Variants in SAMD4B observed in about 807,000 individuals in gnomAD.
The protein encoded by SAMD4B is protein Smaug homolog 2.
In SAMD4B, 5 loss-of-function variants were observed where a neutral mutation model predicts 74.5. The observed-to-expected ratio is 0.07, with a 90% confidence interval of 0.04 to 0.14. The LOEUF (loss-of-function observed/expected upper bound fraction) is 0.14. SAMD4B is among the 10% of genes least tolerant of loss of function. The pLI, the probability that SAMD4B is intolerant of heterozygous loss-of-function variation, is 1.00. For synonymous variants in SAMD4B, 373 were observed against 374.9 expected (o/e 1.00, Z 0.06); for missense variants, 608 against 921.8 (o/e 0.66, Z 4.41).
At chr19:39,386,542 C>T (rs767095758), downstream of SAMD4B, 1 of 1,614,130 alleles carries the variant, frequency 6.2e-7, no homozygotes, top group Non-Finnish European at 8.5e-7. This position sits in a 1 kb window ranked among gnomAD's most constrained non-coding sequence, Gnocchi z 6.1. Flanking sequence ...TCCTCCGGTT[C>T]GTGGTTTTCT....
intron 3 of SAMD4B, among the ~76,000 whole-genome samples, chr19:39,365,830 G>A (rs913916318): frequency 6.6e-6 from 1 of 152,218 alleles, no homozygotes; most frequent in African/African-American, 2.4e-5. Flanking sequence ...AGCAATAGTG[G>A]TATTGGTTCT....
chr19:39,352,228 T>C (rs1485183337), intron 1 of SAMD4B: 1 of 152,134 alleles, frequency 6.6e-6, no homozygotes, highest in Non-Finnish European at 1.5e-5. Flanking sequence ...GTCAGAATCA[T>C]CCTCCATCAC....
At chr19:39,372,758 T>C (rs1401270052) in intron 4 of SAMD4B, among the ~76,000 whole-genome samples, 1 of 152,074 alleles carries the variant, frequency 6.6e-6, no homozygotes, top group African/African-American at 2.4e-5. Flanking sequence ...GCCTACTTCT[T>C]GGCTGAGAAG....
chr19:39,375,615 G>T lies in SAMD4B; in HGVS notation c.668-35G>T. 1 of 1,587,696 alleles carries T rather than the reference G, an allele frequency of 6.3e-7. No homozygotes were observed. Among genetic ancestry groups the T allele is most frequent in the Non-Finnish European group, 8.6e-7 (1 of 1,159,544 alleles). On this transcript the variant is annotated intron_variant, in intron 4 of 13. Transcript: ENST00000610417. The surrounding 1 kb of genome is among the most constrained non-coding windows in gnomAD (Gnocchi z 4.1). ...ATGGTCTCCTGTGGTTGGGTCCCCA[G>T]GTCTAATATTTTGCTTTTCTCCCAC...
Position 39,376,345 on chromosome 19 carries a change from A to T in SAMD4B, c.908-92A>T. ...CCCTCCCAATTTTTTGCATCTTTTG[A>T]GGCTTCCTGTGGGTTTATCCCCACA... On this transcript the variant is annotated intron_variant, in intron 5 of 13. Coordinates refer to ENST00000610417, the MANE Select transcript of SAMD4B (RefSeq NM_001384574.2). 3 of 1,037,460 alleles carry T rather than the reference A, an allele frequency of 2.9e-6. No homozygotes were observed. In the Admixed American group the frequency reaches 6.6e-5, roughly 23 times the overall value. The allele number at this position is 1,037,460 out of a possible 1,614,324, so 64.3% of individuals were successfully genotyped here.
At position 39,369,746 on chromosome 19, in the gene SAMD4B, G is replaced by A. The variant is rs769229789; in HGVS notation, c.288G>A (p.Glu96=). 5 of 1,614,206 alleles carry A rather than the reference G, an allele frequency of 3.1e-6. No homozygotes were observed. In the South Asian group the frequency reaches 4.4e-5, roughly 14 times the overall value. ...HLPLLQPGNT[E]AKSEYMRLLQ... ...CCCTGCTTCAGCCAGGCAACACAGA[G>A]GCCAAGTCGGAGTACATGAGGCTAC... Residue 96 remains glutamate (E), a synonymous_variant, in exon 4 of 14, where the codon GAG becomes GAA. Transcript: ENST00000610417.
Position 39,356,795 on chromosome 19 carries a change from C to A in SAMD4B, c.-99C>A. On this transcript the variant is annotated 5_prime_UTR_variant, in exon 3 of 14. Transcript: ENST00000610417. ...GCCCAGAAACGTCCTTAAGCCCTGG[C>A]CCTCAGGGGAAAGGTAACAGGAGGC... is the stretch of plus-strand genomic sequence containing the variant. 2.0e-6 allele frequency: 2 copies of A among 1,023,464 alleles called. No homozygotes were observed. The highest frequency in any genetic ancestry group is 2.8e-6 in the Non-Finnish European group (2 of 713,376). 63.4% of individuals were successfully genotyped at this position (1,023,464 alleles called of 1,614,324 possible).
chr19:39,344,353 C>G (rs1384641327), intron 1 of SAMD4B, among the ~76,000 whole-genome samples: 1 of 152,164 alleles, frequency 6.6e-6, no homozygotes, highest in African/African-American at 2.4e-5. Flanking sequence ...GCTTTCTCCT[C>G]AACTGAGATC....
downstream of SAMD4B, chr19:39,387,021 C>CTG (rs896397972): frequency 1.4e-4 from 84 of 601,908 alleles, no homozygotes; most frequent in South Asian, 9.8e-4. Context: ...TTGCCCTACA[C>CTG]TGTGTGTGTG....
chr19:39,354,403 C>G (rs1381897243), intron 2 of SAMD4B, among the ~76,000 whole-genome samples: 1 of 152,158 alleles, frequency 6.6e-6, no homozygotes, highest in East Asian at 1.9e-4. Context: ...ACAAGGTTTT[C>G]AAATCCCTTT....
downstream of SAMD4B, chr19:39,387,134 G>A (rs750819913): frequency 7.3e-5 from 32 of 437,762 alleles, no homozygotes; most frequent in Admixed American, 5.5e-4. Context: ...TTACACAAAC[G>A]TACATAGTAT....
chr19:39,364,404 A>G (rs780672695), intron 3 of SAMD4B, among the ~76,000 whole-genome samples: 27 of 152,300 alleles, frequency 1.8e-4, no homozygotes, highest in Non-Finnish European at 2.6e-4. Flanking sequence ...CACAGACTGA[A>G]TGTTTACTAT....
Position 39,385,684 on chromosome 19 carries a change from C to CA in SAMD4B, c.*2160dup. 2.0e-5 allele frequency: 10 copies of CA among 512,144 alleles called. No homozygotes were observed. The East Asian group carries it at 3.1e-4, about 16-fold the overall frequency. 31.7% of individuals were successfully genotyped at this position (512,144 alleles called of 1,614,324 possible). A position where few individuals can be genotyped will look rare whatever the true frequency, so the allele number is the denominator to read the frequency against. On this transcript the variant is annotated 3_prime_UTR_variant, in exon 14 of 14. Coordinates refer to ENST00000610417, the MANE Select transcript of SAMD4B (RefSeq NM_001384574.2). ...GGGCTTATTTTGGAAAAAAAAAAAACAAACAAAAAAAACGAATTCTGACCT... is the reference window on the plus strand; with the variant it reads ...GGGCTTATTTTGGAAAAAAAAAAAACAAAACAAAAAAAACGAATTCTGACCT...
At chr19:39,389,019 G>C (rs1167723896), downstream of SAMD4B, 1 of 1,613,964 alleles carries the variant, frequency 6.2e-7, no homozygotes, top group African/African-American at 1.3e-5. This position sits in a 1 kb window ranked among gnomAD's most constrained non-coding sequence, Gnocchi z 5.3. Flanking sequence ...GTGAGATCTG[G>C]TGGAACAAAA....
chr19:39,358,401 G>A (rs988451434), intron 3 of SAMD4B, among the ~76,000 whole-genome samples: 13 of 152,042 alleles, frequency 8.6e-5, no homozygotes, highest in Non-Finnish European at 1.2e-4. Context: ...TTTCCTGCGC[G>A]CCACCACGCC....
At chr19:39,387,813 C>G (rs1420004627), downstream of SAMD4B, among the ~76,000 whole-genome samples, 1 of 152,184 alleles carries the variant, frequency 6.6e-6, no homozygotes, top group African/African-American at 2.4e-5. Context: ...TGGCCCTCTG[C>G]CTTGCGCAAA....
chr19:39,345,050 A>G (rs149785845), intron 1 of SAMD4B, among the ~76,000 whole-genome samples: 156 of 152,210 alleles, frequency 1.0e-3, no homozygotes, highest in African/African-American at 3.7e-3. Flanking sequence ...CTTGAATCCC[A>G]CTCAGATCTA....
At chr19:39,342,691 G>GGGCGGC (rs1405342298) in intron 1 of SAMD4B, 115 bp downstream of exon 1, 1 of 149,660 alleles carries the variant, frequency 6.7e-6, no homozygotes, top group Non-Finnish European at 1.5e-5. Flanking sequence ...CCCGAACCGC[G>GGGCGGC]GGCGGCGGCG....
intron 1 of SAMD4B, 66 bp from the exon 2 acceptor site, chr19:39,353,940 A>T (rs376741246): frequency 6.6e-6 from 1 of 152,178 alleles, no homozygotes; most frequent in Non-Finnish European, 1.5e-5. Flanking sequence ...TATATCATAC[A>T]ATGTGGGATC....
Sources: gnomAD v4.1 joint callset for allele counts (sites outside exome capture counted in the v4.1 genomes callset) on GRCh38, gnomAD v4.1.1 for gene constraint, Gnocchi (gnomAD v3.1) non-coding constraint, MANE v1.5 for transcripts, NCBI Gene and HGNC (gene_info 2026-07-23, HGNC 2026-07-21) for gene names.